Variants in IRS1 observed in about 807,000 individuals in gnomAD.
IRS1 encodes the protein insulin receptor substrate 1.
IRS1 carries 34 observed loss-of-function variants against 65.6 expected under a neutral mutation model. The ratio of observed to expected loss-of-function variants is 0.52; its 90% CI spans 0.39 to 0.69. The LOEUF (loss-of-function observed/expected upper bound fraction) is 0.69. Ranked by LOEUF, IRS1 falls within the 30% of genes least tolerant of loss-of-function variation. The probability of loss-of-function intolerance (pLI) is 0.00; values close to 1 mark genes in which losing one functional copy is unlikely to be tolerated. For synonymous variants in IRS1, 699 were observed against 683.5 expected (o/e 1.02, Z -0.35); for missense variants, 1,641 against 1,720.2 (o/e 0.95, Z 0.81).
chr2:226,779,469 G>A (rs1238803896), intron 1 of IRS1, among the ~76,000 whole-genome samples: 5 of 152,136 alleles, frequency 3.3e-5, no homozygotes, highest in Non-Finnish European at 7.4e-5. Context: ...ACTCAGCCAC[G>A]CTGGTGAAAA....
intron 1 of IRS1, among the ~76,000 whole-genome samples, chr2:226,740,542 G>A (rs574617410): frequency 6.6e-6 from 1 of 152,230 alleles, no homozygotes; most frequent in African/African-American, 2.4e-5. Flanking sequence ...TTTTTACTGG[G>A]AAAGCAGCTG....
intron 1 of IRS1, among the ~76,000 whole-genome samples, chr2:226,781,416 G>A (rs776712256): frequency 8.5e-5 from 13 of 152,112 alleles, no homozygotes; most frequent in Non-Finnish European, 1.3e-4. Context: ...GGGGTAGGGA[G>A]GGAGCCGTGG....
intron 1 of IRS1, among the ~76,000 whole-genome samples, chr2:226,765,994 G>T (rs1455320339): frequency 6.7e-6 from 1 of 149,096 alleles, no homozygotes; most frequent in Non-Finnish European, 1.5e-5. Flanking sequence ...TCATGTTTTT[G>T]GATTACTTTT....
At chr2:226,790,120 T>C (rs1939560829) in intron 1 of IRS1, among the ~76,000 whole-genome samples, 1 of 152,172 alleles carries the variant, frequency 6.6e-6, no homozygotes. Context: ...TTCCTATGTT[T>C]AGAGCTGCAA....
intron 1 of IRS1, among the ~76,000 whole-genome samples, chr2:226,738,341 G>A (rs1227202491): frequency 6.6e-6 from 1 of 152,192 alleles, no homozygotes; most frequent in African/African-American, 2.4e-5. Flanking sequence ...TGAAGGGAAT[G>A]ATCATGGCTG....
At chr2:226,788,634 T>TA (rs1403434620) in intron 1 of IRS1, among the ~76,000 whole-genome samples, 26 of 152,328 alleles carry the variant, frequency 1.7e-4, no homozygotes, top group African/African-American at 6.0e-4. Context: ...GGAGAGGTAC[T>TA]ACCATTTCCA....
At chr2:226,783,607 C>A (rs754848376) in intron 1 of IRS1, among the ~76,000 whole-genome samples, 50 of 152,240 alleles carry the variant, frequency 3.3e-4, no homozygotes, top group South Asian at 2.3e-3. Flanking sequence ...TGATATTTCA[C>A]CCAAAGGTAG....
intron 1 of IRS1, among the ~76,000 whole-genome samples, chr2:226,773,879 G>C (rs1939213311): frequency 6.6e-6 from 1 of 152,220 alleles, no homozygotes; most frequent in South Asian, 2.1e-4. Flanking sequence ...AGGTTCAAAA[G>C]TACTTGTTGA....
Position 226,762,287 on chromosome 2 carries a change from C to A in IRS1, c.*22-26037G>T, listed in dbSNP as rs901890537. 2.1e-5 allele frequency among the ~76,000 whole-genome samples: 3 copies of A among 145,118 alleles called. No individual in the cohort carries two copies. The East Asian group carries it at 6.1e-4, about 30-fold the overall frequency. On this transcript the variant is annotated intron_variant, in intron 1 of 1. Transcript: ENST00000305123. The stretch of plus-strand genomic sequence containing the variant: ...TATCATTGATATCTTATTGCATTGA[C>A]AATTAATAGACAGACAGCTCATACC...
At chr2:226,749,658 G>C (rs1574643205) in intron 1 of IRS1, among the ~76,000 whole-genome samples, 2 of 152,138 alleles carry the variant, frequency 1.3e-5, no homozygotes, top group African/African-American at 4.8e-5. Context: ...ACTTTTTCCA[G>C]AGATAGATCC....
chr2:226,737,392 C>T (rs904132025), intron 1 of IRS1, among the ~76,000 whole-genome samples: 2 of 152,124 alleles, frequency 1.3e-5, no homozygotes, highest in African/African-American at 2.4e-5. Context: ...GCATCTTTTA[C>T]TCAAGTATTA....
Position 226,796,501 on chromosome 2 carries a change from G to C in IRS1, c.2238C>G (p.Pro746=). The change falls in exon 1 of 2, where the codon CCC becomes CCG. Residue 746 remains proline, a synonymous_variant. Coordinates refer to ENST00000305123, the MANE Select transcript of IRS1 (RefSeq NM_005544.3). ...SPVGDSNTSS[P]SDCYYGPEDP... ...CCTCAGGGCCGTAGTAGCAGTCGGAGGGGCTGCTGGTGTTGGAGTCCCCCA... is the reference window on the plus strand; with the variant it reads ...CCTCAGGGCCGTAGTAGCAGTCGGACGGGCTGCTGGTGTTGGAGTCCCCCA... 26 of 1,613,954 alleles carry C rather than the reference G, an allele frequency of 1.6e-5. No homozygotes were observed. Among genetic ancestry groups the C allele is most frequent in the Non-Finnish European group, 2.1e-5 (25 of 1,180,024 alleles).
intron 1 of IRS1, among the ~76,000 whole-genome samples, chr2:226,787,251 A>T (rs4675095): frequency 0.057 from 8,607 of 152,222 alleles, 397 homozygotes; most frequent in East Asian, 0.15. Flanking sequence ...AAAATGGGCC[A>T]TTCTTCCAAA....
chr2:226,788,467 C>T (rs1559156890), intron 1 of IRS1, among the ~76,000 whole-genome samples: 1 of 152,102 alleles, frequency 6.6e-6, no homozygotes, highest in Admixed American at 6.5e-5. Context: ...TGAATAAGCA[C>T]AAATAACATT....
chr2:226,736,127 T>C lies in IRS1; in HGVS notation c.*145A>G, dbSNP rs1165142899. The C allele has an allele frequency of 6.6e-6, 1 of 152,340 alleles. No individual in the cohort carries two copies. Among genetic ancestry groups the C allele is most frequent in the African/African-American group, 2.4e-5 (1 of 41,318 alleles). The allele number at this position is 152,340 out of a possible 1,614,324, so 9.4% of individuals were successfully genotyped here. A position where few individuals can be genotyped will look rare whatever the true frequency, so the allele number is the denominator to read the frequency against. On this transcript the variant is annotated 3_prime_UTR_variant, in exon 2 of 2. Coordinates refer to ENST00000305123, the MANE Select transcript of IRS1 (RefSeq NM_005544.3). Reference sequence around the variant, plus strand: ...ATTGGATAAAGTAAACAAACTGAAATGGATGCATCGTACCATCTACTGATG... The same window carrying C: ...ATTGGATAAAGTAAACAAACTGAAACGGATGCATCGTACCATCTACTGATG...
Position 226,799,510 on chromosome 2 carries a change from A to G in IRS1, c.-772T>C. On this transcript the variant is annotated 5_prime_UTR_variant, in exon 1 of 2. Coordinates refer to ENST00000305123, the MANE Select transcript of IRS1 (RefSeq NM_005544.3). This position sits in a 1 kb window ranked among gnomAD's most constrained non-coding sequence, Gnocchi z 6.1. ...GCCACTGCAGCTGGGGACCGGCCGG[A>G]GGGACAGACTCATCCCTGCCCCTCG... is the stretch of plus-strand genomic sequence containing the variant. The G allele has an allele frequency of 8.8e-7, 1 of 1,132,198 alleles. No individual in the cohort carries two copies. The highest frequency in any genetic ancestry group is 1.1e-6 in the Non-Finnish European group (1 of 904,194). The allele number at this position is 1,132,198 out of a possible 1,614,324, so 70.1% of individuals were successfully genotyped here.
intron 1 of IRS1, among the ~76,000 whole-genome samples, chr2:226,742,565 G>A (rs529459420): frequency 1.3e-5 from 2 of 152,250 alleles, no homozygotes; most frequent in East Asian, 1.9e-4. Context: ...CTTCCAGTGC[G>A]CAGGGTTGCC....
intron 1 of IRS1, chr2:226,792,344 A>G (rs371435879): frequency 6.6e-6 from 1 of 152,128 alleles, no homozygotes; most frequent in Admixed American, 6.5e-5. Context: ...TGGGCTCTCA[A>G]TTTACTCTCT....
chr2:226,796,980 G>A lies in IRS1; in HGVS notation c.1759C>T (p.Leu587=). ...VPTRSYPEEG[L]EMHPLERRGG... ...CGACGCTCCAAGGGGTGCATTTCCAGACCCTCCTCTGGGTAGGAGCGGGTG... is the reference window on the plus strand; with the variant it reads ...CGACGCTCCAAGGGGTGCATTTCCAAACCCTCCTCTGGGTAGGAGCGGGTG... The change falls in exon 1 of 2, where the codon CTG becomes TTG. Residue 587 remains leucine, a synonymous_variant. Transcript: ENST00000305123. 1 of 1,584,960 alleles carries A rather than the reference G, an allele frequency of 6.3e-7. No individual in the cohort carries two copies. The highest frequency in any genetic ancestry group is 1.3e-5 in the African/African-American group (1 of 74,568).
Sources: allele counts gnomAD v4.1 joint callset (sites outside exome capture counted in the v4.1 genomes callset), GRCh38; gene constraint gnomAD v4.1.1; non-coding constraint Gnocchi (gnomAD v3.1); transcripts MANE v1.5; gene names NCBI Gene and HGNC (gene_info 2026-07-23, HGNC 2026-07-21).